Variants in PITPNM3 observed in about 807,000 individuals in gnomAD.
The protein encoded by PITPNM3 is membrane-associated phosphatidylinositol transfer protein 3.
A neutral mutation model predicts 102.0 loss-of-function variants in PITPNM3; 26 were observed. The observed-to-expected ratio is 0.25, with a 90% CI of 0.19 to 0.35. PITPNM3 has a LOEUF of 0.35. Among genes scored for constraint, PITPNM3 ranks in the 10% least tolerant of loss-of-function variants. PITPNM3 has a pLI of 1.00. For synonymous variants in PITPNM3, 578 were observed against 558.6 expected (o/e 1.03, Z -0.49); for missense variants, 1,083 against 1,346.1 (o/e 0.80, Z 3.06).
chr17:6,550,151 G>A (rs1054419118), intron 1 of PITPNM3, among the ~76,000 whole-genome samples: 1 of 152,322 alleles, frequency 6.6e-6, no homozygotes, highest in Non-Finnish European at 1.5e-5. Flanking sequence ...AGGTCAACCA[G>A]TGCCAAAGCC....
At chr17:6,491,226 C>T (rs911209448) in intron 4 of PITPNM3, among the ~76,000 whole-genome samples, 29 of 151,624 alleles carry the variant, frequency 1.9e-4, no homozygotes, top group Non-Finnish European at 2.9e-5. Flanking sequence ...GCTGGACCAG[C>T]AGCTCAAGGG....
intron 3 of PITPNM3, among the ~76,000 whole-genome samples, chr17:6,503,900 T>A (rs1907334641): frequency 6.6e-6 from 1 of 151,564 alleles, no homozygotes; most frequent in African/African-American, 2.4e-5. Context: ...TGCCTCTCTA[T>A]ACTCACTCTC....
intron 19 of PITPNM3, among the ~76,000 whole-genome samples, chr17:6,455,891 A>G (rs1914095094): frequency 6.6e-6 from 1 of 151,636 alleles, no homozygotes; most frequent in South Asian, 2.1e-4. Flanking sequence ...AGCTTCTCCA[A>G]GGAACCCTGG....
intron 1 of PITPNM3, among the ~76,000 whole-genome samples, chr17:6,543,907 C>G (rs1489115693): frequency 1.3e-5 from 2 of 152,190 alleles, no homozygotes; most frequent in African/African-American, 4.8e-5. Context: ...GGGAGAGACA[C>G]AGGCCAAAAC....
intron 3 of PITPNM3, among the ~76,000 whole-genome samples, chr17:6,514,861 A>C (rs1206755225): frequency 6.6e-6 from 1 of 152,256 alleles, no homozygotes; most frequent in East Asian, 1.9e-4. Context: ...CATGTCCATC[A>C]ACTGGGATAA....
At chr17:6,463,557 T>C (rs946441512) in intron 17 of PITPNM3, among the ~76,000 whole-genome samples, 175 bp downstream of exon 17, 11 of 148,914 alleles carry the variant, frequency 7.4e-5, no homozygotes, top group African/African-American at 2.7e-4. Flanking sequence ...GCAGGAGAAA[T>C]TTTCCCAAGG....
intron 9 of PITPNM3, among the ~76,000 whole-genome samples, chr17:6,476,724 A>G (rs2150730502): frequency 6.6e-6 from 1 of 152,372 alleles, no homozygotes; most frequent in African/African-American, 2.4e-5. Flanking sequence ...GCAGTGAAGT[A>G]GGCTGGGCAG....
In PITPNM3 at chr17:6,453,002, T is replaced by TTCTCCC. The variant is rs1233303756; in HGVS notation, c.*2335_*2336insGGGAGA. 2 of 118,780 alleles carry TTCTCCC rather than the reference T, an allele frequency of 1.7e-5. No individual in the cohort carries two copies. Among genetic ancestry groups the TTCTCCC allele is most frequent in the African/African-American group, 6.4e-5 (2 of 31,392 alleles). The allele number at this position is 118,780 out of a possible 1,614,324, so 7.4% of individuals were successfully genotyped here. ...CCTCTCTCTCTCTCTCTGTCTTCCT[T>TTCTCCC]TCTCTCTCTCTCTCTCTCTCTGCCT... is the stretch of plus-strand genomic sequence containing the variant. On this transcript the variant is annotated 3_prime_UTR_variant, in exon 20 of 20. Transcript: ENST00000262483.
At chr17:6,481,729 T>C (rs996444376) in intron 6 of PITPNM3, 2 of 138,464 alleles carry the variant, frequency 1.4e-5, no homozygotes, top group African/African-American at 2.7e-5. Flanking sequence ...ATGAGGTAGA[T>C]AGATCAGATG....
At position 6,556,438 on chromosome 17, in the gene PITPNM3, C is replaced by T; in HGVS notation, c.-32G>A. ...GGCGGCGGGCTCCGGCGGCGCTACG[C>T]GCGCTCCTCGCGCTTCCCGGGCCCG... On this transcript the variant is annotated 5_prime_UTR_variant, in exon 1 of 20. Transcript: ENST00000262483. The surrounding 1 kb of genome is among the most constrained non-coding windows in gnomAD (Gnocchi z 5.2). 1 of 1,227,024 alleles carries T rather than the reference C, an allele frequency of 8.1e-7. No homozygotes were observed. Among genetic ancestry groups the T allele is most frequent in the Non-Finnish European group, 1.0e-6 (1 of 985,144 alleles). 76.0% of individuals were successfully genotyped at this position (1,227,024 alleles called of 1,614,324 possible). A position where few individuals can be genotyped will look rare whatever the true frequency, so the allele number is the denominator to read the frequency against.
chr17:6,484,106 G>T, intron 5 of PITPNM3, 110 bp downstream of exon 5: 1 of 1,240,912 alleles, frequency 8.1e-7, no homozygotes, highest in Non-Finnish European at 1.2e-6. Context: ...GGGTCACACA[G>T]CAAGTCAGAC....
intron 6 of PITPNM3, among the ~76,000 whole-genome samples, chr17:6,482,949 C>A (rs1329429681): frequency 6.9e-6 from 1 of 144,314 alleles, no homozygotes; most frequent in Admixed American, 7.0e-5. Flanking sequence ...CACTCCGTGT[C>A]TTTTTTTTTT....
At chr17:6,464,572 C>A in intron 15 of PITPNM3, 83 bp downstream of exon 15, 2 of 1,406,698 alleles carry the variant, frequency 1.4e-6, no homozygotes, top group Non-Finnish European at 9.9e-7. Context: ...CCTCTTGACA[C>A]CCTCACCCCA....
chr17:6,470,518 C>CCACCACCAGTCTGTGCAAT lies in PITPNM3; in HGVS notation c.1625-111_1625-110insATTGCACAGACTGGTGGTG. On this transcript the variant is annotated intron_variant, in intron 12 of 19. Coordinates refer to ENST00000262483, the MANE Select transcript of PITPNM3 (RefSeq NM_031220.4). This position sits in a 1 kb window ranked among gnomAD's most constrained non-coding sequence, Gnocchi z 4.8. ...GGTGGTGGATGCCCCACGTGGGGCA[C>CCACCACCAGTCTGTGCAAT]GGGTTTGGGCGGGAGCACCCTGGCC... 1 of 1,417,356 alleles carries CCACCACCAGTCTGTGCAAT rather than the reference C, an allele frequency of 7.1e-7. No individual in the cohort carries two copies. Among genetic ancestry groups the CCACCACCAGTCTGTGCAAT allele is most frequent in the Non-Finnish European group, 9.9e-7 (1 of 1,014,280 alleles). 87.8% of individuals were successfully genotyped at this position (1,417,356 alleles called of 1,614,324 possible).
At chr17:6,508,563 C>A (rs4796505) in intron 3 of PITPNM3, among the ~76,000 whole-genome samples, 2 of 151,986 alleles carry the variant, frequency 1.3e-5, no homozygotes, top group African/African-American at 4.8e-5. Flanking sequence ...CATGGGACAG[C>A]GAAAGGCTGC....
chr17:6,461,475 C>T lies in PITPNM3; in HGVS notation c.2388G>A (p.Leu796=). The T allele has an allele frequency of 6.2e-7, 1 of 1,614,224 alleles. No individual in the cohort carries two copies. Among genetic ancestry groups the T allele is most frequent in the Non-Finnish European group, 8.5e-7 (1 of 1,180,036 alleles). ...DMQKQRVVSW[L]SQHNFPQGMI... ...TGCCCTGTGGGAAGTTGTGCTGGGA[C>T]AGCCACGACACCACCCGCTGCTTCT... Residue 796 remains leucine (L), a synonymous_variant, in exon 18 of 20, where the codon CTG becomes CTA. Coordinates refer to ENST00000262483, the MANE Select transcript of PITPNM3 (RefSeq NM_031220.4).
chr17:6,452,945 TCTCTCTCTCTCTTC>T lies in PITPNM3; in HGVS notation c.*2379_*2392del, dbSNP rs2150709535. The T allele has an allele frequency of 6.7e-6, 1 of 149,656 alleles. No individual in the cohort carries two copies. Among genetic ancestry groups the T allele is most frequent in the South Asian group, 2.1e-4 (1 of 4,710 alleles). 9.3% of individuals were successfully genotyped at this position (149,656 alleles called of 1,614,324 possible). A position where few individuals can be genotyped will look rare whatever the true frequency, so the allele number is the denominator to read the frequency against. On this transcript the variant is annotated 3_prime_UTR_variant, in exon 20 of 20. Transcript: ENST00000262483. ...TCCCCAGGGATCCTGGCTCATGAGC[TCTCTCTCTCTCTTC>T]CTCTCTCTCTCTCTCTTCCTCTCTC...
At chr17:6,455,964 T>C (rs1449105175) in intron 19 of PITPNM3, among the ~76,000 whole-genome samples, 1 of 151,866 alleles carries the variant, frequency 6.6e-6, no homozygotes, top group African/African-American at 2.4e-5. Flanking sequence ...CATGCATCTC[T>C]ACCTGTACCC....
Position 6,537,259 on chromosome 17 carries a change from T to TC in PITPNM3, c.118+727_118+728insG, listed in dbSNP as rs1184001320. The stretch of plus-strand genomic sequence containing the variant: ...GAGGCTCATTTATTTTTTCTTTCTT[T>TC]TTTTTTTTTTTTTTTCTGAGACAGA... On this transcript the variant is annotated intron_variant, in intron 2 of 19. Coordinates refer to ENST00000262483, the MANE Select transcript of PITPNM3 (RefSeq NM_031220.4). The surrounding 1 kb of genome is among the most constrained non-coding windows in gnomAD (Gnocchi z 4.4). Among the ~76,000 whole-genome samples, 4 of 146,266 alleles carry TC rather than the reference T, an allele frequency of 2.7e-5. No individual in the cohort carries two copies. The highest frequency in any genetic ancestry group is 6.7e-5 in the Admixed American group (1 of 14,984).
Sources: gnomAD v4.1 joint callset for allele counts (sites outside exome capture counted in the v4.1 genomes callset) on GRCh38, gnomAD v4.1.1 for gene constraint, Gnocchi (gnomAD v3.1) non-coding constraint, MANE v1.5 for transcripts, NCBI Gene and HGNC (gene_info 2026-07-23, HGNC 2026-07-21) for gene names.